The following RORA variants were observed in gnomAD, a reference collection of about 807,000 sequenced individuals.
RORA encodes nuclear receptor ROR-alpha.
Under a neutral mutation model 69.5 loss-of-function variants are expected in RORA, and 7 were observed. That is an observed-to-expected ratio of 0.10 (90% CI 0.06 to 0.19). The LOEUF is 0.19. RORA is among the 10% of genes least tolerant of loss of function. The probability of loss-of-function intolerance (pLI) is 1.00; values close to 1 mark genes in which losing one functional copy is unlikely to be tolerated. For synonymous variants in RORA, 261 were observed against 240.8 expected (o/e 1.08, Z -0.78); for missense variants, 457 against 663.0 (o/e 0.69, Z 3.41).
chr15:60,902,580 G>A (rs1273452257), intron 1 of RORA, among the ~76,000 whole-genome samples: 1 of 152,230 alleles, frequency 6.6e-6, no homozygotes, highest in Non-Finnish European at 1.5e-5. Context: ...TTGTTTTAGA[G>A]TCATGTCTAC....
intron 1 of RORA, among the ~76,000 whole-genome samples, chr15:61,063,213 G>T (rs1295905026): frequency 6.6e-6 from 1 of 152,190 alleles, no homozygotes; most frequent in African/African-American, 2.4e-5. Context: ...GCGTGGAGCT[G>T]CTGATGTTCC....
chr15:61,164,161 T>TAA (rs1356654457), intron 1 of RORA, among the ~76,000 whole-genome samples: 8 of 151,642 alleles, frequency 5.3e-5, no homozygotes, highest in Non-Finnish European at 8.8e-5. Flanking sequence ...AAAAAACATG[T>TAA]GGAGCCTGTA....
At chr15:61,122,561 C>A (rs1301348798) in intron 1 of RORA, among the ~76,000 whole-genome samples, 1 of 152,080 alleles carries the variant, frequency 6.6e-6, no homozygotes, top group East Asian at 1.9e-4. Flanking sequence ...ACGTTTAAAG[C>A]CCTTTCTCAG....
intron 1 of RORA, among the ~76,000 whole-genome samples, chr15:60,771,194 C>CTCCCACG (rs1454040231): frequency 1.3e-5 from 2 of 151,830 alleles, no homozygotes; most frequent in Non-Finnish European, 2.9e-5. Flanking sequence ...CTCCCCCTAC[C>CTCCCACG]CTCCATTCCA....
At chr15:60,861,547 T>C (rs916256719) in intron 1 of RORA, among the ~76,000 whole-genome samples, 4 of 152,100 alleles carry the variant, frequency 2.6e-5, no homozygotes, top group African/African-American at 9.7e-5. Flanking sequence ...TTGAGATGAG[T>C]CTCACTATGT....
chr15:60,742,895 A>G (rs1328259084), intron 1 of RORA, among the ~76,000 whole-genome samples: 1 of 151,962 alleles, frequency 6.6e-6, no homozygotes, highest in Non-Finnish European at 1.5e-5. Context: ...TCATTATTTG[A>G]TGGACACTTA....
chr15:60,662,484 G>A (rs1302820474), intron 2 of RORA, among the ~76,000 whole-genome samples: 1 of 152,138 alleles, frequency 6.6e-6, no homozygotes, highest in South Asian at 2.1e-4. Flanking sequence ...CAAATGGTTG[G>A]AAATGTATTA....
chr15:61,220,929 C>T (rs2080089697), intron 1 of RORA, among the ~76,000 whole-genome samples: 1 of 152,188 alleles, frequency 6.6e-6, no homozygotes, highest in Non-Finnish European at 1.5e-5. Context: ...ATCCACAGCC[C>T]CCACTCCCCA....
At chr15:60,560,157 T>G (rs569108938) in intron 2 of RORA, among the ~76,000 whole-genome samples, 1 of 152,204 alleles carries the variant, frequency 6.6e-6, no homozygotes, top group Non-Finnish European at 1.5e-5. Context: ...TCCAGAACAT[T>G]TGACTCCCTT....
chr15:60,528,147 C>T, intron 3 of RORA: 1 of 152,302 alleles, frequency 6.6e-6, no homozygotes, highest in Admixed American at 6.5e-5. Context: ...CCTTGAACTC[C>T]TGGGCTCAAG....
intron 2 of RORA, among the ~76,000 whole-genome samples, chr15:60,574,421 T>C (rs1567097776): frequency 6.6e-6 from 1 of 152,242 alleles, no homozygotes; most frequent in Non-Finnish European, 1.5e-5. Context: ...AGAAATTTCA[T>C]GCAAGTTCTT....
intron 1 of RORA, among the ~76,000 whole-genome samples, chr15:60,807,445 C>G (rs2140363480): frequency 6.6e-6 from 1 of 152,252 alleles, no homozygotes; most frequent in Non-Finnish European, 1.5e-5. Context: ...CAAATGAAAA[C>G]ATATCCCATG....
Position 60,666,105 on chromosome 15 carries a change from G to T in RORA, c.196+12552C>A, listed in dbSNP as rs77444390. Among the ~76,000 whole-genome samples, 184 of 151,804 alleles carry T rather than the reference G, an allele frequency of 1.2e-3. 1 individual carries two copies. In the East Asian group the frequency reaches 0.031, roughly 26 times the overall value. On this transcript the variant is annotated intron_variant, in intron 2 of 10. Coordinates refer to ENST00000335670, the MANE Select transcript of RORA (RefSeq NM_134261.3). ...AGACACACTTATTTAAAATCTACGG[G>T]TATTAATTGAGCACATAGTAGATAC...
chr15:60,653,183 G>A (rs1045169231), intron 2 of RORA, among the ~76,000 whole-genome samples: 2 of 152,202 alleles, frequency 1.3e-5, no homozygotes, highest in African/African-American at 4.8e-5. Flanking sequence ...AATCTCAACT[G>A]ATTGGGCAAA....
chr15:61,076,128 C>A (rs749304793), intron 1 of RORA, among the ~76,000 whole-genome samples: 1 of 152,182 alleles, frequency 6.6e-6, no homozygotes, highest in Non-Finnish European at 1.5e-5. Context: ...GATGCAGACC[C>A]GTGATTCTCT....
chr15:60,821,576 T>C (rs893747529), intron 1 of RORA, among the ~76,000 whole-genome samples: 8 of 152,248 alleles, frequency 5.3e-5, no homozygotes, highest in African/African-American at 1.7e-4. Context: ...CATCATATTC[T>C]AGTGATTTGT....
chr15:60,885,057 G>C (rs1383882749), intron 1 of RORA, among the ~76,000 whole-genome samples: 2 of 152,220 alleles, frequency 1.3e-5, no homozygotes, highest in Non-Finnish European at 2.9e-5. Context: ...GTATATGACT[G>C]TAGTAGATTA....
chr15:60,839,368 C>T (rs144186066), intron 1 of RORA, among the ~76,000 whole-genome samples: 11 of 152,166 alleles, frequency 7.2e-5, no homozygotes, highest in African/African-American at 2.4e-4. Flanking sequence ...TGAATAATCT[C>T]ATTTGTATTT....
At chr15:60,992,830 A>T (rs1485873863) in intron 1 of RORA, among the ~76,000 whole-genome samples, 1 of 152,210 alleles carries the variant, frequency 6.6e-6, no homozygotes, top group Non-Finnish European at 1.5e-5. Flanking sequence ...TGGTTTGAGT[A>T]CTTAACTGAT....
Sources: gnomAD v4.1 joint callset for allele counts (sites outside exome capture counted in the v4.1 genomes callset) on GRCh38, gnomAD v4.1.1 for gene constraint, MANE v1.5 for transcripts, NCBI Gene and HGNC (gene_info 2026-07-23, HGNC 2026-07-21) for gene names.